The following HYLS1 variants were observed in gnomAD, a reference collection of about 807,000 sequenced individuals.
HYLS1 encodes centriolar and ciliogenesis-associated protein HYLS1.
In HYLS1, 25 loss-of-function variants were observed where a neutral mutation model predicts 29.4. The ratio of observed to expected loss-of-function variants is 0.85; its 90% CI spans 0.62 to 1.19. The LOEUF is 1.19. Among genes scored for constraint, HYLS1 ranks in the 50% most tolerant of loss-of-function variants. HYLS1 has a pLI of 0.00. For missense variants in HYLS1, 352 were observed against 365.1 expected, an observed-to-expected ratio of 0.96 and a Z score of 0.29; for synonymous variants, 128 against 126.7, an observed-to-expected ratio of 1.01 and a Z score of -0.07.
chr11:125,900,537 T>G lies in HYLS1; in HGVS notation c.*269T>G. On this transcript the variant is annotated 3_prime_UTR_variant, in exon 3 of 3. Transcript: ENST00000425380. ...TATTTTGTCAAATTAGTAAGGGCCC[T>G]TTGTGTCCTGTAACTTTTTTTACCT... 1.3e-5 allele frequency: 6 copies of G among 446,186 alleles called. No homozygotes were observed. Among genetic ancestry groups the G allele is most frequent in the East Asian group, 4.9e-5 (1 of 20,520 alleles). The allele number at this position is 446,186 out of a possible 1,614,324, so 27.6% of individuals were successfully genotyped here. A position where few individuals can be genotyped will look rare whatever the true frequency, so the allele number is the denominator to read the frequency against.
At chr11:125,888,786 A>G (rs1332110355) in intron 1 of HYLS1, among the ~76,000 whole-genome samples, 2 of 100,894 alleles carry the variant, frequency 2.0e-5, no homozygotes, top group Non-Finnish European at 4.3e-5. Context: ...AAAAAAAAAA[A>G]AGAGAAAAGA....
In HYLS1 at chr11:125,888,763, T is replaced by C. The variant is rs1465553429; in HGVS notation, c.-76+998T>C. ...CAGCCTGGGCGACCGAGCAAGACTC[T>C]TGTCTCAAAAAAAAAAAAAAAAAAG... On this transcript the variant is annotated intron_variant, in intron 1 of 2. Coordinates refer to ENST00000425380, the MANE Select transcript of HYLS1 (RefSeq NM_001134793.2). Among the ~76,000 whole-genome samples the C allele has an allele frequency of 7.2e-3, 9 of 1,256 alleles. No individual in the cohort carries two copies. The African/African-American group carries it at 0.096, about 13-fold the overall frequency. The allele number at this position is 1,256 out of a possible 152,430, so 0.8% of individuals were successfully genotyped here.
chr11:125,894,373 A>ACC, intron 2 of HYLS1: 1 of 1,104,632 alleles, frequency 9.1e-7, no homozygotes, highest in South Asian at 1.5e-5. Flanking sequence ...GCGTTAAGGG[A>ACC]GCCGGGTAGG....
intron 2 of HYLS1, among the ~76,000 whole-genome samples, chr11:125,898,453 T>C (rs1309233960): frequency 6.6e-6 from 1 of 152,138 alleles, no homozygotes; most frequent in East Asian, 1.9e-4. Flanking sequence ...GGCGGGTGGG[T>C]TGCCTGAGGT....
intron 2 of HYLS1, among the ~76,000 whole-genome samples, chr11:125,897,404 C>A (rs1021641151): frequency 3.3e-5 from 5 of 151,744 alleles, no homozygotes; most frequent in East Asian, 3.9e-4. Context: ...GGAAAAACTT[C>A]TGCCAGCAAA....
rs781514240 is a variant in HYLS1 at position 125,899,357 on chromosome 11, G to A, written c.-12G>A. 3.1e-6 allele frequency: 5 copies of A among 1,613,512 alleles called. No homozygotes were observed. In the South Asian group the frequency reaches 3.3e-5, roughly 11 times the overall value. On this transcript the variant is annotated 5_prime_UTR_variant, in exon 3 of 3. Coordinates refer to ENST00000425380, the MANE Select transcript of HYLS1 (RefSeq NM_001134793.2). ...TATCTCTTGCAGAAGGTCCTACAGT[G>A]TAGGGGAAGCAATGGAAGAACTTCT...
chr11:125,889,716 C>T (rs1451628692), intron 1 of HYLS1, among the ~76,000 whole-genome samples: 3 of 151,366 alleles, frequency 2.0e-5, no homozygotes, highest in Non-Finnish European at 2.9e-5. Context: ...CCAGCCTGGG[C>T]GACAGAGAGA....
chr11:125,891,498 A>AC (rs1944408014), intron 2 of HYLS1, 26 bp downstream of exon 2: 1 of 151,514 alleles, frequency 6.6e-6, no homozygotes, highest in African/African-American at 2.4e-5. Context: ...AAAAAAAAAA[A>AC]AACCTTGGTT....
Position 125,895,442 on chromosome 11 carries a change from T to C in HYLS1, c.-25-3902T>C, listed in dbSNP as rs745818046. The C allele has an allele frequency of 4.3e-6, 7 of 1,614,106 alleles. No individual in the cohort carries two copies. The South Asian group carries it at 5.5e-5, about 13-fold the overall frequency. On this transcript the variant is annotated intron_variant, in intron 2 of 2. Coordinates refer to ENST00000425380, the MANE Select transcript of HYLS1 (RefSeq NM_001134793.2). ...GGCCCACTAGCTGTACTTGAGCAGA[T>C]AGAATAGTCCTCTGAAAATTAATCA...
At chr11:125,884,458 A>C (rs1444663442), upstream of HYLS1, among the ~76,000 whole-genome samples, 1 of 137,978 alleles carries the variant, frequency 7.2e-6, no homozygotes. Flanking sequence ...AAATACAAAA[A>C]ATTAGCCGGG....
chr11:125,892,005 T>C (rs113601387), intron 2 of HYLS1, among the ~76,000 whole-genome samples: 7 of 152,324 alleles, frequency 4.6e-5, no homozygotes, highest in South Asian at 2.1e-4. Flanking sequence ...AGAAAACATA[T>C]TTGTATACCT....
Position 125,894,791 on chromosome 11 carries a change from T to C in HYLS1, c.-26+3319T>C, listed in dbSNP as rs559437687. 7.4e-4 allele frequency among the ~76,000 whole-genome samples: 113 copies of C among 152,332 alleles called. No homozygotes were observed. In the South Asian group the frequency reaches 0.014, roughly 20 times the overall value. On this transcript the variant is annotated intron_variant, in intron 2 of 2. Coordinates refer to ENST00000425380, the MANE Select transcript of HYLS1 (RefSeq NM_001134793.2). ...TATGAATAGTTTGTTCATTTTAATT[T>C]TACCACATCCTAACAGTAATACCTC...
chr11:125,898,757 C>T (rs1342688560), intron 2 of HYLS1, among the ~76,000 whole-genome samples: 1 of 146,468 alleles, frequency 6.8e-6, no homozygotes, highest in African/African-American at 2.5e-5. Flanking sequence ...CACAACACTG[C>T]TTTTGTGATT....
intron 2 of HYLS1, chr11:125,899,063 T>G (rs747496768): frequency 1.8e-5 from 6 of 340,980 alleles, no homozygotes; most frequent in Non-Finnish European, 3.2e-5. Flanking sequence ...TCATGTAGTT[T>G]CAAGCTTTTC....
chr11:125,886,105 T>C (rs545932181), upstream of HYLS1, among the ~76,000 whole-genome samples: 12 of 152,314 alleles, frequency 7.9e-5, no homozygotes, highest in South Asian at 2.1e-3. Context: ...CTCTGAGCCA[T>C]GGAAAAATTG....
intron 2 of HYLS1, among the ~76,000 whole-genome samples, chr11:125,892,510 A>G (rs1397595597): frequency 6.6e-6 from 1 of 152,176 alleles, no homozygotes; most frequent in Non-Finnish European, 1.5e-5. Flanking sequence ...TTCCTCTCTC[A>G]GTATGTGGTA....
intron 2 of HYLS1, chr11:125,894,392 A>G (rs1944512171): frequency 2.5e-6 from 2 of 815,110 alleles, no homozygotes; most frequent in East Asian, 4.9e-5. Flanking sequence ...GGGCGCCACC[A>G]TTGATGTTAA....
At chr11:125,888,929 A>G (rs1944360382) in intron 1 of HYLS1, among the ~76,000 whole-genome samples, 1 of 152,170 alleles carries the variant, frequency 6.6e-6, no homozygotes, top group Admixed American at 6.5e-5. Flanking sequence ...TCCGAGCAAC[A>G]TTTAGTACGT....
Position 125,891,195 on chromosome 11 carries a change from T to A in HYLS1, c.-75-228T>A, listed in dbSNP as rs11820525. On this transcript the variant is annotated intron_variant, in intron 1 of 2. Transcript: ENST00000425380. ...TTCCACCTGTGATGACTGTCTTGAC[T>A]TTTTCTATGGCAACTACCAAAAATG... Among the ~76,000 whole-genome samples the A allele has an allele frequency of 2.6e-3, 400 of 152,272 alleles. 3 individuals carry two copies. Among genetic ancestry groups the A allele is most frequent in the African/African-American group, 9.0e-3 (375 of 41,554 alleles).
Sources: gnomAD v4.1 joint callset for allele counts (sites outside exome capture counted in the v4.1 genomes callset) on GRCh38, gnomAD v4.1.1 for gene constraint, MANE v1.5 for transcripts, NCBI Gene and HGNC (gene_info 2026-07-23, HGNC 2026-07-21) for gene names.